Variants in UBE2E3 observed in about 807,000 individuals in gnomAD.
The protein encoded by UBE2E3 is ubiquitin conjugating enzyme E2 E3, also known as ubiquitin-conjugating enzyme E2 E3.
A neutral mutation model predicts 23.6 loss-of-function variants in UBE2E3; 5 were observed. The observed-to-expected ratio is 0.21, with a 90% confidence interval of 0.11 to 0.44. The LOEUF is 0.44. UBE2E3 is among the 20% of genes least tolerant of loss of function. The pLI, the probability that UBE2E3 is intolerant of heterozygous loss-of-function variation, is 0.99. For synonymous variants in UBE2E3, 78 were observed against 87.5 expected (o/e 0.89, Z 0.60); for missense variants, 81 against 249.8 (o/e 0.32, Z 4.55).
intron 3 of UBE2E3, chr2:180,987,406 CTAACTTAACCCCTAATTTCTTTCCA>C: frequency 1.9e-6 from 3 of 1,549,568 alleles, no homozygotes; most frequent in Non-Finnish European, 2.6e-6. Flanking sequence ...TACTGGATTT[CTAACTTAACCCCTAATTTCTTTCCA>C]TATAGGAAGA....
intron 3 of UBE2E3, among the ~76,000 whole-genome samples, chr2:181,052,954 C>A (rs1180528044): frequency 6.6e-6 from 1 of 151,810 alleles, no homozygotes; most frequent in Non-Finnish European, 1.5e-5. Context: ...CCATGTGCCT[C>A]TCTGTGCACA....
chr2:181,042,212 T>C (rs1686533949), intron 3 of UBE2E3, among the ~76,000 whole-genome samples: 1 of 152,246 alleles, frequency 6.6e-6, no homozygotes, highest in East Asian at 1.9e-4. Context: ...GTTTGCCTTG[T>C]CTTAGGAATC....
At chr2:181,011,397 A>C (rs1685323816) in intron 3 of UBE2E3, among the ~76,000 whole-genome samples, 1 of 152,064 alleles carries the variant, frequency 6.6e-6, no homozygotes, top group African/African-American at 2.4e-5. Flanking sequence ...TCAGTCTTTT[A>C]TAATTAACTC....
intron 3 of UBE2E3, among the ~76,000 whole-genome samples, chr2:181,056,650 G>A (rs1056505519): frequency 1.3e-5 from 2 of 151,774 alleles, no homozygotes; most frequent in Admixed American, 6.6e-5. Context: ...ACATTGCCGC[G>A]TTTGGGGGTC....
At chr2:181,043,771 G>GAATATA (rs1686587769) in intron 3 of UBE2E3, among the ~76,000 whole-genome samples, 4 of 152,010 alleles carry the variant, frequency 2.6e-5, no homozygotes, top group African/African-American at 9.7e-5. Flanking sequence ...ATGATTACTG[G>GAATATA]TGTGTATGTA....
At chr2:181,025,341 A>G (rs1397480805) in intron 3 of UBE2E3, among the ~76,000 whole-genome samples, 1 of 151,968 alleles carries the variant, frequency 6.6e-6, no homozygotes, top group Non-Finnish European at 1.5e-5. Flanking sequence ...TATTACCACT[A>G]TGCAAATAAA....
chr2:180,991,629 T>C (rs923434160), intron 3 of UBE2E3, among the ~76,000 whole-genome samples: 3 of 152,170 alleles, frequency 2.0e-5, no homozygotes, highest in African/African-American at 7.2e-5. Context: ...TCTTAAAACA[T>C]GAGATTTTTT....
rs186305937 is a variant in UBE2E3 at position 180,989,052 on chromosome 2, T to C, written c.245+4959T>C. 5.9e-5 allele frequency among the ~76,000 whole-genome samples: 9 copies of C among 152,298 alleles called. No individual in the cohort carries two copies. The East Asian group carries it at 1.7e-3, about 29-fold the overall frequency. ...GGTGGTCATCTACAGATAGTTTGTA[T>C]TATTAGTTTTATTGTTAATAAATTC... On this transcript the variant is annotated intron_variant, in intron 3 of 5. Coordinates refer to ENST00000410062, the MANE Select transcript of UBE2E3 (RefSeq NM_006357.4).
In UBE2E3 at chr2:180,982,002, C is replaced by T. The variant is rs748583901; in HGVS notation, c.-25-16C>T. On this transcript the variant is annotated splice_polypyrimidine_tract_variant and intron_variant, in intron 1 of 5. Coordinates refer to ENST00000410062, the MANE Select transcript of UBE2E3 (RefSeq NM_006357.4). ...TTTAACATTTTCTCCTCCTCCTCCC[C>T]TGTTCTCTTTAAAAGTTTTCCAAGA... 7.7e-6 allele frequency: 12 copies of T among 1,556,210 alleles called. No individual in the cohort carries two copies. Among genetic ancestry groups the T allele is most frequent in the Non-Finnish European group, 1.0e-5 (12 of 1,144,452 alleles).
Position 180,994,475 on chromosome 2 carries a change from A to C in UBE2E3, c.245+10382A>C, listed in dbSNP as rs373354537. ...AAAACATGCAAGTATTTCACTATGC[A>C]CTTTCAAAAGATAAGACTCCTTTTA... On this transcript the variant is annotated intron_variant, in intron 3 of 5. Transcript: ENST00000410062. Among the ~76,000 whole-genome samples, 16 of 152,296 alleles carry C rather than the reference A, an allele frequency of 1.1e-4. No individual in the cohort carries two copies. In the East Asian group the frequency reaches 3.1e-3, roughly 29 times the overall value.
At chr2:181,024,486 A>G (rs906854825) in intron 3 of UBE2E3, among the ~76,000 whole-genome samples, 31 of 152,138 alleles carry the variant, frequency 2.0e-4, no homozygotes, top group African/African-American at 6.0e-4. Flanking sequence ...TAGCGCTGCA[A>G]TAAATTAAAA....
At chr2:181,032,914 G>A (rs1441817149) in intron 3 of UBE2E3, among the ~76,000 whole-genome samples, 2 of 152,132 alleles carry the variant, frequency 1.3e-5, no homozygotes, top group Non-Finnish European at 2.9e-5. Flanking sequence ...AATCATGAGT[G>A]AACTCCCATT....
chr2:180,990,298 A>T (rs1684617081), intron 3 of UBE2E3, among the ~76,000 whole-genome samples: 2 of 152,222 alleles, frequency 1.3e-5, no homozygotes, highest in South Asian at 4.1e-4. Context: ...ATACCCTGTA[A>T]TACATAGGAC....
At chr2:181,019,474 T>A (rs961996163) in intron 3 of UBE2E3, among the ~76,000 whole-genome samples, 8 of 152,238 alleles carry the variant, frequency 5.3e-5, no homozygotes, top group Admixed American at 3.9e-4. Flanking sequence ...GGCGGTTGTT[T>A]CATCTTGTTA....
chr2:181,057,192 A>G (rs1490976289), intron 3 of UBE2E3, among the ~76,000 whole-genome samples: 1 of 151,858 alleles, frequency 6.6e-6, no homozygotes, highest in Non-Finnish European at 1.5e-5. Flanking sequence ...GGTATTACCG[A>G]ATCAGTTGAC....
intron 3 of UBE2E3, among the ~76,000 whole-genome samples, chr2:181,030,956 A>T (rs1686059865): frequency 6.6e-6 from 1 of 152,100 alleles, no homozygotes. Context: ...GTTGTGTTTC[A>T]CTAGTTTATA....
At chr2:181,038,973 G>A (rs901653646) in intron 3 of UBE2E3, among the ~76,000 whole-genome samples, 1 of 152,136 alleles carries the variant, frequency 6.6e-6, no homozygotes, top group Admixed American at 6.5e-5. Context: ...CCATTGAGAA[G>A]GCAAAATGGT....
intron 3 of UBE2E3, among the ~76,000 whole-genome samples, chr2:181,013,884 A>G (rs144408024): frequency 9.7e-4 from 148 of 152,258 alleles, no homozygotes; most frequent in African/African-American, 3.5e-3. Context: ...ATTTGGACCA[A>G]TATTATTCAT....
At chr2:181,024,006 T>C (rs536755653) in intron 3 of UBE2E3, among the ~76,000 whole-genome samples, 58 of 152,284 alleles carry the variant, frequency 3.8e-4, no homozygotes, top group African/African-American at 1.3e-3. Flanking sequence ...ATATTTCTTT[T>C]GCATTTGTAA....
Sources: gnomAD v4.1 joint callset for allele counts (sites outside exome capture counted in the v4.1 genomes callset) on GRCh38, gnomAD v4.1.1 for gene constraint, MANE v1.5 for transcripts, NCBI Gene and HGNC (gene_info 2026-07-23, HGNC 2026-07-21) for gene names.